The following RFX4 variants were observed in gnomAD, a reference collection of about 807,000 sequenced individuals.
RFX4 encodes the protein regulatory factor X4, also known as transcription factor RFX4.
In RFX4, 10 loss-of-function variants were observed where a neutral mutation model predicts 95.0. The ratio of observed to expected loss-of-function variants is 0.11; its 90% CI spans 0.06 to 0.18. The LOEUF is 0.18. Ranked by LOEUF, RFX4 falls within the 10% of genes least tolerant of loss-of-function variation. RFX4 has a pLI of 1.00. For missense variants in RFX4, 640 were observed against 922.0 expected (o/e 0.69, Z 3.96); for synonymous variants, 321 against 340.7 (o/e 0.94, Z 0.64).
At chr12:106,695,772 C>A (rs1289322763) in intron 7 of RFX4, among the ~76,000 whole-genome samples, 1 of 152,132 alleles carries the variant, frequency 6.6e-6, no homozygotes, top group Non-Finnish European at 1.5e-5. Flanking sequence ...CTTTGACGCA[C>A]AAATTTGAAT....
At chr12:106,643,215 G>A (rs959605927) in intron 3 of RFX4, among the ~76,000 whole-genome samples, 4 of 152,184 alleles carry the variant, frequency 2.6e-5, no homozygotes, top group Non-Finnish European at 5.9e-5. Context: ...CAGCCTCCCA[G>A]TAGGGGGAAC....
chr12:106,598,728 A>G (rs1444966754), intron 1 of RFX4, among the ~76,000 whole-genome samples: 1 of 147,886 alleles, frequency 6.8e-6, no homozygotes, highest in Non-Finnish European at 1.5e-5. Context: ...AGAGCAGGAG[A>G]GGTAAAAATA....
intron 3 of RFX4, among the ~76,000 whole-genome samples, chr12:106,642,625 AC>A (rs1394214796): frequency 2.6e-5 from 4 of 152,170 alleles, no homozygotes; most frequent in African/African-American, 9.6e-5. Flanking sequence ...ATTTAAAAAA[AC>A]AACTAATGAT....
At chr12:106,682,251 AGACGAGTTG>A in intron 5 of RFX4, 197 bp downstream of exon 5, 1 of 583,578 alleles carries the variant, frequency 1.7e-6, no homozygotes, top group Non-Finnish European at 3.0e-6. Context: ...CAAAAGCCCA[AGACGAGTTG>A]GCTCTGCTGC....
chr12:106,585,976 A>T (rs2039449984), intron 1 of RFX4: 1 of 152,218 alleles, frequency 6.6e-6, no homozygotes, highest in Non-Finnish European at 1.5e-5. Context: ...ACACTGAGCC[A>T]GTAATATATT....
chr12:106,691,490 A>C (rs1348894402), intron 7 of RFX4, among the ~76,000 whole-genome samples: 1 of 152,218 alleles, frequency 6.6e-6, no homozygotes, highest in Non-Finnish European at 1.5e-5. Flanking sequence ...GAAGGGAGAC[A>C]TTTTACCTCT....
At chr12:106,729,433 T>A (rs989723662) in intron 13 of RFX4, among the ~76,000 whole-genome samples, 1 of 152,240 alleles carries the variant, frequency 6.6e-6, no homozygotes, top group Non-Finnish European at 1.5e-5. Flanking sequence ...TATACACTTT[T>A]ACTCATTTTA....
intron 2 of RFX4, among the ~76,000 whole-genome samples, chr12:106,636,575 G>A (rs1246050756): frequency 3.9e-5 from 6 of 152,090 alleles, no homozygotes; most frequent in Admixed American, 1.3e-4. Flanking sequence ...TGGAAAGGAT[G>A]AGAAACATCT....
intron 3 of RFX4, 44 bp from the exon 4 acceptor site, chr12:106,654,184 G>A (rs757733778): frequency 1.9e-6 from 3 of 1,612,964 alleles, no homozygotes; most frequent in Admixed American, 1.7e-5. Context: ...TCTTGCTTGG[G>A]GAAGGTAACA....
intron 4 of RFX4, among the ~76,000 whole-genome samples, chr12:106,667,891 T>G (rs1215211177): frequency 6.6e-6 from 1 of 152,224 alleles, no homozygotes; most frequent in East Asian, 1.9e-4. Context: ...GGTAGTTGTC[T>G]CCAGGGCCTG....
At chr12:106,659,417 A>G (rs1199417294) in intron 4 of RFX4, among the ~76,000 whole-genome samples, 1 of 152,220 alleles carries the variant, frequency 6.6e-6, no homozygotes, top group Non-Finnish European at 1.5e-5. Context: ...AGAGAACAAC[A>G]GAACTATAAA....
chr12:106,651,849 T>C (rs1355210189), intron 3 of RFX4, among the ~76,000 whole-genome samples: 2 of 152,192 alleles, frequency 1.3e-5, no homozygotes, highest in Non-Finnish European at 2.9e-5. Context: ...TTATGTGCAA[T>C]GTCCTGAATT....
intron 3 of RFX4, among the ~76,000 whole-genome samples, chr12:106,653,084 C>T (rs934430227): frequency 3.3e-5 from 5 of 152,136 alleles, no homozygotes; most frequent in African/African-American, 1.2e-4. Flanking sequence ...GTGCCCCAGG[C>T]TTCGAAGGCA....
In RFX4 at chr12:106,762,390, TA is replaced by T. The variant is rs1566012705; in HGVS notation, c.*925del. 2 of 152,606 alleles carry T rather than the reference TA, an allele frequency of 1.3e-5. No individual in the cohort carries two copies. The highest frequency in any genetic ancestry group is 2.9e-5 in the Non-Finnish European group (2 of 68,028). 9.5% of individuals were successfully genotyped at this position (152,606 alleles called of 1,614,324 possible). A position where few individuals can be genotyped will look rare whatever the true frequency, so the allele number is the denominator to read the frequency against. The stretch of plus-strand genomic sequence containing the variant: ...GAAAGTGACTTTCACGGTTCCTTCA[TA>T]AAACTATAATAATATCCGACACTTT... On this transcript the variant is annotated 3_prime_UTR_variant, in exon 18 of 18. Coordinates refer to ENST00000392842, the MANE Select transcript of RFX4 (RefSeq NM_213594.3).
chr12:106,749,060 G>C (rs2042948234), intron 16 of RFX4, among the ~76,000 whole-genome samples: 1 of 150,226 alleles, frequency 6.7e-6, no homozygotes, highest in Non-Finnish European at 1.5e-5. Context: ...ACTCCAGCCT[G>C]GCGACAGAGG....
intron 5 of RFX4, 21 bp from the exon 6 acceptor site, chr12:106,686,858 TCTCCC>T: frequency 1.9e-6 from 3 of 1,580,888 alleles, no homozygotes; most frequent in Admixed American, 3.4e-5. Flanking sequence ...TTTTTCTCTC[TCTCCC>T]TCCCTCCCCT....
intron 4 of RFX4, among the ~76,000 whole-genome samples, chr12:106,668,583 T>G (rs1361088935): frequency 6.6e-6 from 1 of 152,154 alleles, no homozygotes; most frequent in African/African-American, 2.4e-5. Context: ...TTTTTAAACT[T>G]AAATAATAAT....
chr12:106,619,549 T>A (rs1415392051), intron 2 of RFX4, among the ~76,000 whole-genome samples: 1 of 152,216 alleles, frequency 6.6e-6, no homozygotes, highest in Non-Finnish European at 1.5e-5. Flanking sequence ...GTAGTTTGAC[T>A]ATGATGTGCA....
intron 7 of RFX4, 21 bp downstream of exon 7, chr12:106,689,385 C>T (rs371138236): frequency 1.3e-4 from 202 of 1,569,414 alleles, no homozygotes; most frequent in Non-Finnish European, 1.7e-4. Context: ...AAGGGTTGAG[C>T]TGTGAATACT....
Sources: gnomAD v4.1 joint callset for allele counts (sites outside exome capture counted in the v4.1 genomes callset) on GRCh38, gnomAD v4.1.1 for gene constraint, MANE v1.5 for transcripts, NCBI Gene and HGNC (gene_info 2026-07-23, HGNC 2026-07-21) for gene names.